The following DLGAP3 variants were observed in gnomAD, a reference collection of about 807,000 sequenced individuals.
The protein encoded by DLGAP3 is disks large-associated protein 3.
A neutral mutation model predicts 81.2 loss-of-function variants in DLGAP3; 17 were observed. The observed-to-expected ratio is 0.21, with a 90% CI of 0.14 to 0.31. The LOEUF (loss-of-function observed/expected upper bound fraction) is 0.31, where lower values mean the gene tolerates loss of function less well. Ranked by LOEUF, DLGAP3 falls within the 10% of genes least tolerant of loss-of-function variation. The pLI is 1.00. For synonymous variants in DLGAP3, 577 were observed against 587.4 expected (o/e 0.98, Z 0.26); for missense variants, 1,124 against 1,388.0 (o/e 0.81, Z 3.02).
intron 8 of DLGAP3, among the ~76,000 whole-genome samples, chr1:34,882,294 T>C (rs1234006480): frequency 6.6e-6 from 1 of 152,092 alleles, no homozygotes; most frequent in African/African-American, 2.4e-5. Context: ...CTGGCTAACA[T>C]GGCAACACCC....
In DLGAP3 at chr1:34,871,972, A is replaced by C. The variant is rs7543233; in HGVS notation, c.2001-2883T>G. ...CAACGCTCCTGGCCAGCAGCCAGAG[A>C]TGTGTACAGCACAAGCAGGAGGCGC... On this transcript the variant is annotated intron_variant, in intron 8 of 11. Transcript: ENST00000373347. Among the ~76,000 whole-genome samples, 1,054 of 152,128 alleles carry C rather than the reference A, an allele frequency of 6.9e-3. 13 individuals are homozygous for C. Among genetic ancestry groups the C allele is most frequent in the African/African-American group, 0.024 (1,014 of 41,502 alleles).
At position 34,905,177 on chromosome 1, in the gene DLGAP3, C is replaced by G; in HGVS notation, c.207G>C (p.Pro69=). The part of the protein sequence containing the change: ...PEGPLSLSEG[P]SVGPEGGPAG... ...CTGGCCCTCCCTCAGGGCCTACCGACGGCCCCTCACTCAGGCTCAGGGGCC... is the reference window on the plus strand; with the variant it reads ...CTGGCCCTCCCTCAGGGCCTACCGAGGGCCCCTCACTCAGGCTCAGGGGCC... The change falls in exon 3 of 12, where the codon CCG becomes CCC. Residue 69 remains proline, a synonymous_variant. Coordinates refer to ENST00000373347, the MANE Select transcript of DLGAP3 (RefSeq NM_001080418.3). The G allele has an allele frequency of 6.3e-7, 1 of 1,578,258 alleles. No homozygotes were observed. Among genetic ancestry groups the G allele is most frequent in the Non-Finnish European group, 8.6e-7 (1 of 1,161,844 alleles).
chr1:34,881,980 T>C (rs1447539827), intron 8 of DLGAP3, among the ~76,000 whole-genome samples: 1 of 152,130 alleles, frequency 6.6e-6, no homozygotes, highest in Non-Finnish European at 1.5e-5. Flanking sequence ...TACTGAACAG[T>C]GAACAGAAGT....
intron 5 of DLGAP3, among the ~76,000 whole-genome samples, chr1:34,899,363 C>T (rs1329015863): frequency 2.0e-5 from 3 of 152,206 alleles, no homozygotes; most frequent in Non-Finnish European, 2.9e-5. Context: ...CCACTGCACC[C>T]GGCCAATCCT....
intron 8 of DLGAP3, among the ~76,000 whole-genome samples, chr1:34,875,340 T>C (rs1173569945): frequency 6.6e-6 from 1 of 152,156 alleles, no homozygotes; most frequent in Non-Finnish European, 1.5e-5. Flanking sequence ...TCAGATAAAA[T>C]ATAGGACTCC....
At chr1:34,899,876 G>A (rs1326953550) in intron 4 of DLGAP3, 135 bp from the exon 5 acceptor site, 2 of 970,344 alleles carry the variant, frequency 2.1e-6, no homozygotes, top group Non-Finnish European at 3.2e-6. Flanking sequence ...GGAGACCCTG[G>A]GTAAAGAGAC....
rs768618955 is a variant in DLGAP3 at position 34,885,073 on chromosome 1, G to A, written c.1915-10C>T. On this transcript the variant is annotated splice_polypyrimidine_tract_variant and intron_variant, in intron 7 of 11. Transcript: ENST00000373347. ...CTGAGATCGTCTCCACCTGGTGGCA[G>A]GGTGGAGGAGTCAGTGGCTGTGGCG... 6.2e-7 allele frequency: 1 copy of A among 1,609,760 alleles called. No homozygotes were observed. The highest frequency in any genetic ancestry group is 2.2e-5 in the East Asian group (1 of 44,860).
chr1:34,904,201 C>A lies in DLGAP3; in HGVS notation c.1107+76G>T. On this transcript the variant is annotated intron_variant, in intron 3 of 11. Transcript: ENST00000373347. The surrounding 1 kb of genome is among the most constrained non-coding windows in gnomAD (Gnocchi z 8.1). ...ACAGGGACAGCTGGCTCCCACCCAA[C>A]CCTTTCCACTGCTCCCTAGTTGACA... is the stretch of plus-strand genomic sequence containing the variant. 1 of 1,572,976 alleles carries A rather than the reference C, an allele frequency of 6.4e-7. No individual in the cohort carries two copies. Among genetic ancestry groups the A allele is most frequent in the Non-Finnish European group, 8.6e-7 (1 of 1,156,830 alleles).
rs2148389206 is a variant in DLGAP3, at chr1:34,865,831, G to C, written c.*252C>G. ...GGGAGGAGGTGGGGACAAAGCGTCG[G>C]ACCAGGTGGGCAGGGGATCCAGGTG... On this transcript the variant is annotated 3_prime_UTR_variant, in exon 12 of 12. Coordinates refer to ENST00000373347, the MANE Select transcript of DLGAP3 (RefSeq NM_001080418.3). 1.7e-6 allele frequency: 1 copy of C among 604,250 alleles called. No homozygotes were observed. The highest frequency in any genetic ancestry group is 3.1e-5 in the East Asian group (1 of 31,904). 37.4% of individuals were successfully genotyped at this position (604,250 alleles called of 1,614,324 possible).
intron 5 of DLGAP3, among the ~76,000 whole-genome samples, chr1:34,889,920 T>C (rs1379609921): frequency 6.6e-6 from 1 of 152,160 alleles, no homozygotes; most frequent in Non-Finnish European, 1.5e-5. Context: ...GGTAAAGGCT[T>C]AGGTTTTAAC....
chr1:34,900,813 G>A lies in DLGAP3; in HGVS notation c.1108-540C>T, dbSNP rs576709233. 6.1e-4 allele frequency among the ~76,000 whole-genome samples: 93 copies of A among 152,278 alleles called. No homozygotes were observed. Among genetic ancestry groups the A allele is most frequent in the African/African-American group, 9.6e-4 (40 of 41,556 alleles). ...GCAGAGGCTCAAGTGGCGAGAGGAC[G>A]ACCAATTAGGAGGCTGATGCTGTTA... On this transcript the variant is annotated intron_variant, in intron 3 of 11. Coordinates refer to ENST00000373347, the MANE Select transcript of DLGAP3 (RefSeq NM_001080418.3). This position sits in a 1 kb window ranked among gnomAD's most constrained non-coding sequence, Gnocchi z 5.6.
At chr1:34,869,144 C>A (rs2148392384) in intron 8 of DLGAP3, 55 bp from the exon 9 acceptor site, 3 of 1,331,892 alleles carry the variant, frequency 2.3e-6, no homozygotes, top group Middle Eastern at 1.9e-4. Flanking sequence ...CCAGCTCTCA[C>A]CCCCACCCCA....
At chr1:34,894,326 A>G (rs1007120397) in intron 5 of DLGAP3, among the ~76,000 whole-genome samples, 1 of 152,126 alleles carries the variant, frequency 6.6e-6, no homozygotes, top group East Asian at 1.9e-4. Flanking sequence ...TCTGAAACAC[A>G]AACAGTTGAA....
At chr1:34,909,510 A>T (rs561254403) in intron 1 of DLGAP3, among the ~76,000 whole-genome samples, 2 of 152,112 alleles carry the variant, frequency 1.3e-5, no homozygotes, top group Non-Finnish European at 2.9e-5. Flanking sequence ...CACTCTTACA[A>T]ACTCTAAAAC....
chr1:34,898,761 C>T (rs1382111206), intron 5 of DLGAP3, among the ~76,000 whole-genome samples: 1 of 152,246 alleles, frequency 6.6e-6, no homozygotes, highest in Non-Finnish European at 1.5e-5. Context: ...TCAACCCCAT[C>T]TCATGTGTTT....
Position 34,904,988 on chromosome 1 carries a change from T to G in DLGAP3, c.396A>C (p.Gln132His). ...ATGGTAGTGTGTGGAAGCCATCTTG[T>G]TGAACTGGCAACTGCTTTTCAAACT... Reference protein sequence around the residue: ...LDQFEKQLPVQQDGFHTLPYQ... With the variant: ...LDQFEKQLPVHQDGFHTLPYQ... Residue 132 changes from glutamine (Q) to histidine (H), a missense_variant, in exon 3 of 12, where the codon CAA becomes CAC. Physicochemically the swap from Gln to His is conservative, Grantham distance 24 (BLOSUM62 0). Coordinates refer to ENST00000373347, the MANE Select transcript of DLGAP3 (RefSeq NM_001080418.3). This position sits in a 1 kb window ranked among gnomAD's most constrained non-coding sequence, Gnocchi z 8.1. 6.2e-7 allele frequency: 1 copy of G among 1,613,148 alleles called. No homozygotes were observed. Among genetic ancestry groups the G allele is most frequent in the Non-Finnish European group, 8.5e-7 (1 of 1,179,616 alleles).
At position 34,904,800 on chromosome 1, in the gene DLGAP3, T is replaced by C; in HGVS notation, c.584A>G (p.Tyr195Cys). ...TCTTCCCTCAGCCTTGGGCCCATTA[T>C]AGTCCCGCTTCCCCGGCGCCTCCAG... Reference protein sequence around the residue: ...HSLEAPGKRDYNGPKAEGRGG... With the variant: ...HSLEAPGKRDCNGPKAEGRGG... The change falls in exon 3 of 12, where the codon TAT (tyrosine) becomes TGT (cysteine). Residue 195 changes from tyrosine (Y) to cysteine (C), a missense_variant. Tyr to Cys is a radical substitution (Grantham distance 194). This residue lies in a region of DLGAP3 where 65 missense variants were observed against 78.2 expected (regional missense o/e 0.83). Coordinates refer to ENST00000373347, the MANE Select transcript of DLGAP3 (RefSeq NM_001080418.3). This position sits in a 1 kb window ranked among gnomAD's most constrained non-coding sequence, Gnocchi z 8.1. The C allele has an allele frequency of 6.2e-7, 1 of 1,610,690 alleles. No individual in the cohort carries two copies. The highest frequency in any genetic ancestry group is 8.5e-7 in the Non-Finnish European group (1 of 1,179,996).
intron 5 of DLGAP3, among the ~76,000 whole-genome samples, chr1:34,887,924 C>T (rs1639258763): frequency 6.6e-6 from 1 of 152,202 alleles, no homozygotes; most frequent in Admixed American, 6.5e-5. Context: ...CGGCTAGCGG[C>T]ATGCGAAGGT....
chr1:34,897,149 AG>A (rs2148408077), intron 5 of DLGAP3, among the ~76,000 whole-genome samples: 1 of 152,318 alleles, frequency 6.6e-6, no homozygotes, highest in African/African-American at 2.4e-5. Context: ...AAGTATTATG[AG>A]ACATAATAGG....
Sources: gnomAD v4.1 joint callset for allele counts (sites outside exome capture counted in the v4.1 genomes callset) on GRCh38, gnomAD v4.1.1 for gene constraint, gnomAD v4.1.1 regional missense constraint, Gnocchi (gnomAD v3.1) non-coding constraint, MANE v1.5 for transcripts, NCBI Gene and HGNC (gene_info 2026-07-23, HGNC 2026-07-21) for gene names.